Variants in DRC4 observed in about 807,000 individuals in gnomAD.
DRC4 encodes the protein dynein regulatory complex subunit 4.
chr16:90,029,615 A>G, the DRC4 span: 19 of 260,336 alleles, frequency 7.3e-5, no homozygotes, highest in East Asian at 1.2e-3. Flanking sequence ...TCTGCCCGGC[A>G]TCCTCGGCTC....
At chr16:90,043,402 AC>A in the DRC4 span, 1 of 1,482,852 alleles carries the variant, frequency 6.7e-7, no homozygotes, top group Non-Finnish European at 9.1e-7. Context: ...TCGGGATGAC[AC>A]CCCTTATCAC....
At chr16:90,043,320 C>G in the DRC4 span, 1 of 1,609,788 alleles carries the variant, frequency 6.2e-7, no homozygotes, top group African/African-American at 1.4e-5. Flanking sequence ...CAGGGCCCCG[C>G]GGGACTGGTG....
At chr16:90,035,482 TTCTC>T in the DRC4 span, 3 of 974,696 alleles carry the variant, frequency 3.1e-6, no homozygotes. Context: ...TCTGTTCATG[TTCTC>T]TCTCAAGCTT....
At chr16:90,043,286 G>A in the DRC4 span, 1 of 1,613,480 alleles carries the variant, frequency 6.2e-7, no homozygotes. Context: ...CTTGGAAACA[G>A]CTGTGATCGG....
the DRC4 span, chr16:90,031,095 A>G: frequency 8.2e-7 from 1 of 1,217,254 alleles, no homozygotes; most frequent in Non-Finnish European, 1.1e-6. Context: ...TATTGGCCAA[A>G]TTGAAGAGAA....
the DRC4 span, among the ~76,000 whole-genome samples, chr16:90,023,844 T>C: frequency 6.7e-6 from 1 of 148,552 alleles, no homozygotes; most frequent in Non-Finnish European, 1.5e-5. Context: ...ATACAAAAAT[T>C]AGCTGGGTGT....
the DRC4 span, chr16:90,031,195 G>A: frequency 1.9e-6 from 3 of 1,560,308 alleles, no homozygotes; most frequent in Non-Finnish European, 1.7e-6. Flanking sequence ...TTTAGGTGAA[G>A]TTGAGTCCTC....
chr16:90,034,280 A>C, the DRC4 span, among the ~76,000 whole-genome samples: 1 of 152,214 alleles, frequency 6.6e-6, no homozygotes, highest in African/African-American at 2.4e-5. Context: ...GTCTTAACCC[A>C]GGTCCTGGAT....
At chr16:90,036,984 G>A in the DRC4 span, 4 of 568,574 alleles carry the variant, frequency 7.0e-6, no homozygotes, top group Admixed American at 3.2e-5. Context: ...AGTAGACAAC[G>A]GCCCTTGGTG....
At chr16:90,023,322 C>T in the DRC4 span, among the ~76,000 whole-genome samples, 1 of 152,138 alleles carries the variant, frequency 6.6e-6, no homozygotes, top group African/African-American at 2.4e-5. Flanking sequence ...AGGAGTCAGG[C>T]CCAGACCGAG....
At chr16:90,033,602 G>A in the DRC4 span, among the ~76,000 whole-genome samples, 1 of 152,198 alleles carries the variant, frequency 6.6e-6, no homozygotes, top group Admixed American at 6.5e-5. Context: ...GGAAGTCAAG[G>A]CTGTGGTGAG....
chr16:90,027,679 C>T, the DRC4 span: 52 of 1,614,178 alleles, frequency 3.2e-5, no homozygotes, highest in East Asian at 4.0e-4. Flanking sequence ...AAAGGCACCC[C>T]GATTGTCGAT....
the DRC4 span, chr16:90,031,153 A>C: frequency 2.0e-6 from 3 of 1,508,848 alleles, no homozygotes; most frequent in Non-Finnish European, 2.7e-6. Context: ...TCCTAGCCTT[A>C]TATTTTAACT....
chr16:90,037,174 C>T, the DRC4 span: 615 of 1,515,004 alleles, frequency 4.1e-4, no homozygotes, highest in Non-Finnish European at 5.2e-4. Flanking sequence ...CCATGCAGGC[C>T]ACAGCCCCTT....
At chr16:90,028,915 A>T in the DRC4 span, 6 of 1,288,288 alleles carry the variant, frequency 4.7e-6, no homozygotes, top group African/African-American at 9.1e-5. Context: ...AACAATGGTA[A>T]AGAATGGCTT....
chr16:90,027,072 C>G, the DRC4 span, among the ~76,000 whole-genome samples: 3 of 148,402 alleles, frequency 2.0e-5, no homozygotes, highest in Non-Finnish European at 4.4e-5. Context: ...ACCAGCACAC[C>G]TGGCTAGGTT....
At chr16:90,036,086 C>A in the DRC4 span, 2 of 604,748 alleles carry the variant, frequency 3.3e-6, no homozygotes, top group East Asian at 6.3e-5. Flanking sequence ...ACACAGGCCT[C>A]GGTTACTGCT....
chr16:90,031,165 T>C, the DRC4 span: 2 of 1,517,314 alleles, frequency 1.3e-6, no homozygotes, highest in Non-Finnish European at 1.8e-6. Context: ...ATTTTAACTT[T>C]TTACATTTAG....
the DRC4 span, among the ~76,000 whole-genome samples, chr16:90,039,297 G>A: frequency 5.0e-3 from 763 of 152,246 alleles, 8 homozygotes; most frequent in African/African-American, 0.017. Context: ...TGTCCAAGCT[G>A]GTGTCTCTTC....
Sources: gnomAD v4.1 joint callset for allele counts (sites outside exome capture counted in the v4.1 genomes callset) on GRCh38, gnomAD v4.1.1 for gene constraint, MANE v1.5 for transcripts, NCBI Gene and HGNC (gene_info 2026-07-23, HGNC 2026-07-21) for gene names.